DNAH9: variants seen among roughly 807,000 people sequenced by gnomAD.
The protein encoded by DNAH9 is DNAH9 variant protein.
Under a neutral mutation model 471.6 loss-of-function variants are expected in DNAH9, and 345 were observed. The ratio of observed to expected loss-of-function variants is 0.73; its 90% CI spans 0.67 to 0.80. The LOEUF is 0.80. Ranked by LOEUF, DNAH9 falls within the 30% of genes least tolerant of loss-of-function variation. The pLI is 0.00. For missense variants in DNAH9, 5,407 were observed against 5,609.2 expected, an observed-to-expected ratio of 0.96 and a Z score of 1.15; for synonymous variants, 2,093 against 2,123.6, an observed-to-expected ratio of 0.99 and a Z score of 0.40.
chr17:11,839,612 G>T lies in DNAH9; in HGVS notation c.9507+4714G>T, dbSNP rs564881419. ...CCGCTTCAGCCCCTGACCTCTCCTA[G>T]TGATGGCTCCTATAATAATTTGGAG... is the stretch of plus-strand genomic sequence containing the variant. On this transcript the variant is annotated intron_variant, in intron 49 of 68. Coordinates refer to ENST00000262442, the MANE Select transcript of DNAH9 (RefSeq NM_001372.4). Among the ~76,000 whole-genome samples, 51 of 152,114 alleles carry T rather than the reference G, an allele frequency of 3.4e-4. 1 individual carries two copies. The South Asian group carries it at 0.011, about 32-fold the overall frequency.
intron 65 of DNAH9, among the ~76,000 whole-genome samples, chr17:11,934,435 A>ATTTTT (rs547023975): frequency 0.13 from 11,081 of 85,484 alleles, 2,450 homozygotes; most frequent in Non-Finnish European, 0.19. Flanking sequence ...TGACAAACCC[A>ATTTTT]TTTTTTTTTT....
rs1468403050 is a variant in DNAH9 at position 11,680,747 on chromosome 17, A to T, written c.3601A>T (p.Ile1201Leu). 1.2e-6 allele frequency: 2 copies of T among 1,613,972 alleles called. No homozygotes were observed. The highest frequency in any genetic ancestry group is 2.7e-5 in the African/African-American group (2 of 74,930). Residue 1201 changes from isoleucine to leucine, a missense_variant, in exon 19 of 69, where the codon ATA becomes TTA. By Grantham distance (5) the Ile-to-Leu change is conservative. Coordinates refer to ENST00000262442, the MANE Select transcript of DNAH9 (RefSeq NM_001372.4). Reference sequence around the variant, plus strand: ...GGAGCTGCCTGAGAAATGGAACAACATAAAAAAGGTGGCCATTACTGTGAA... The same window carrying T: ...GGAGCTGCCTGAGAAATGGAACAACTTAAAAAAGGTGGCCATTACTGTGAA... ...LEELPEKWNNIKKVAITVKQQ... is the reference protein window; with the variant it reads ...LEELPEKWNNLKKVAITVKQQ...
intron 36 of DNAH9, among the ~76,000 whole-genome samples, chr17:11,764,579 T>C (rs113473980): frequency 3.3e-5 from 5 of 152,314 alleles, no homozygotes; most frequent in African/African-American, 9.6e-5. Flanking sequence ...CTTCTGTGAA[T>C]TGACTATTTT....
intron 19 of DNAH9, among the ~76,000 whole-genome samples, chr17:11,686,320 T>C (rs1341315732): frequency 6.6e-6 from 1 of 152,206 alleles, no homozygotes; most frequent in Non-Finnish European, 1.5e-5. Context: ...CTTTTAATTA[T>C]AGTTTTATTC....
chr17:11,647,732 C>T (rs1016944794), intron 12 of DNAH9, among the ~76,000 whole-genome samples: 1 of 152,088 alleles, frequency 6.6e-6, no homozygotes. Context: ...GGGGTCACAA[C>T]CTTAACATGC....
chr17:11,621,123 C>T (rs1284721536), intron 6 of DNAH9, among the ~76,000 whole-genome samples: 2 of 151,882 alleles, frequency 1.3e-5, no homozygotes, highest in African/African-American at 4.8e-5. Context: ...AAGATTAAGA[C>T]AAGAGGCCGG....
chr17:11,946,684 AAAG>A (rs1453224027), intron 67 of DNAH9, among the ~76,000 whole-genome samples: 16 of 151,310 alleles, frequency 1.1e-4, no homozygotes, highest in East Asian at 1.9e-4. Flanking sequence ...AAAAAAAGAA[AAAG>A]AAAAAAAAAA....
chr17:11,699,694 A>G (rs2074556866), intron 22 of DNAH9, 37 bp from the exon 23 acceptor site: 3 of 1,603,340 alleles, frequency 1.9e-6, no homozygotes, highest in South Asian at 1.1e-5. Flanking sequence ...CTTCCCGAAC[A>G]TGTTTTATGA....
At chr17:11,869,916 C>G (rs986104814) in intron 51 of DNAH9, among the ~76,000 whole-genome samples, 1 of 152,220 alleles carries the variant, frequency 6.6e-6, no homozygotes, top group Admixed American at 6.5e-5. Flanking sequence ...ACTGGGGTCA[C>G]TTGGTACATT....
At chr17:11,832,816 G>A (rs1043338661) in intron 48 of DNAH9, among the ~76,000 whole-genome samples, 19 of 152,150 alleles carry the variant, frequency 1.2e-4, no homozygotes, top group African/African-American at 4.6e-4. Context: ...AAAATGAGAG[G>A]CAAGAGGCCA....
chr17:11,829,456 ATTTAC>A (rs1046598305), intron 48 of DNAH9, among the ~76,000 whole-genome samples: 1 of 152,132 alleles, frequency 6.6e-6, no homozygotes, highest in Non-Finnish European at 1.5e-5. Context: ...AAACTTATTT[ATTTAC>A]TTATTTGCTT....
chr17:11,869,006 T>A lies in DNAH9; in HGVS notation c.9934-128T>A. The A allele has an allele frequency of 5.3e-6, 6 of 1,121,754 alleles. No individual in the cohort carries two copies. The South Asian group carries it at 1.0e-4, about 19-fold the overall frequency. 69.5% of individuals were successfully genotyped at this position (1,121,754 alleles called of 1,614,324 possible). On this transcript the variant is annotated intron_variant, in intron 50 of 68. Transcript: ENST00000262442. Reference sequence around the variant, plus strand: ...ATTTCGTTCTCTGCCCTGCTTTCCCTGGTCCCATAGGAATGCCCCCGCAGA... The same window carrying A: ...ATTTCGTTCTCTGCCCTGCTTTCCCAGGTCCCATAGGAATGCCCCCGCAGA...
intron 28 of DNAH9, among the ~76,000 whole-genome samples, chr17:11,733,834 C>T: frequency 7.7e-6 from 1 of 129,518 alleles, no homozygotes. Flanking sequence ...ACACTCCAGC[C>T]TGGGCAACAG....
chr17:11,965,156 T>C (rs1280088266), intron 68 of DNAH9, among the ~76,000 whole-genome samples: 2 of 152,214 alleles, frequency 1.3e-5, no homozygotes, highest in East Asian at 3.9e-4. Flanking sequence ...TATGTGCAGA[T>C]CTGTGCACCC....
intron 39 of DNAH9, among the ~76,000 whole-genome samples, chr17:11,782,891 G>A (rs1426155220): frequency 6.6e-6 from 1 of 152,036 alleles, no homozygotes; most frequent in Non-Finnish European, 1.5e-5. Context: ...GCAAGACTCC[G>A]TCTCAAAAAA....
chr17:11,967,164 T>C (rs1033899891), intron 68 of DNAH9, among the ~76,000 whole-genome samples: 3 of 152,042 alleles, frequency 2.0e-5, no homozygotes, highest in African/African-American at 7.2e-5. Context: ...GGGAGTGCAG[T>C]GGCATGAACA....
chr17:11,689,369 T>G (rs1239321662), intron 19 of DNAH9, among the ~76,000 whole-genome samples, 197 bp from the exon 20 acceptor site: 6 of 149,630 alleles, frequency 4.0e-5, no homozygotes, highest in African/African-American at 9.7e-5. Flanking sequence ...TGAGTGTGTT[T>G]TTTTTTTTTT....
chr17:11,706,583 G>A (rs908087209), intron 26 of DNAH9, among the ~76,000 whole-genome samples: 2 of 152,168 alleles, frequency 1.3e-5, no homozygotes. Context: ...CCCACTCACA[G>A]TAGAAGGAAA....
intron 35 of DNAH9, among the ~76,000 whole-genome samples, chr17:11,759,108 A>C: frequency 8.6e-6 from 1 of 116,140 alleles, no homozygotes. Context: ...TCTTTTTTTG[A>C]GTTTTAAAAT....
Sources: gnomAD v4.1 joint callset for allele counts (sites outside exome capture counted in the v4.1 genomes callset) on GRCh38, gnomAD v4.1.1 for gene constraint, MANE v1.5 for transcripts, NCBI Gene and HGNC (gene_info 2026-07-23, HGNC 2026-07-21) for gene names.